FAM20C: variants seen among roughly 807,000 people sequenced by gnomAD.
FAM20C encodes the protein extracellular serine/threonine protein kinase FAM20C.
Under a neutral mutation model 51.5 loss-of-function variants are expected in FAM20C, and 40 were observed. The ratio of observed to expected loss-of-function variants is 0.78; its 90% confidence interval spans 0.60 to 1.01. The LOEUF is 1.01. Among genes scored for constraint, FAM20C ranks in the 50% least tolerant of loss-of-function variants. The pLI is 0.00. For missense variants in FAM20C, 861 were observed against 844.7 expected (o/e 1.02, Z -0.24); for synonymous variants, 406 against 380.6 (o/e 1.07, Z -0.78).
At chr7:245,101 G>A (rs147390777) in intron 3 of FAM20C, among the ~76,000 whole-genome samples, 3,457 of 152,352 alleles carry the variant, frequency 0.023, 116 homozygotes, top group African/African-American at 0.079. Context: ...GGCAGGGCCA[G>A]GATGCTCCCA....
Position 229,000 on chromosome 7 carries a change from C to T in FAM20C, c.864-17415C>T, listed in dbSNP as rs28399782. 26 of 366,974 alleles carry T rather than the reference C, an allele frequency of 7.1e-5. 2 individuals are homozygous for T. Among genetic ancestry groups the T allele is most frequent in the South Asian group, 4.3e-4 (22 of 50,782 alleles). 22.7% of individuals were successfully genotyped at this position (366,974 alleles called of 1,614,324 possible). On this transcript the variant is annotated intron_variant, in intron 3 of 9. Transcript: ENST00000313766. ...GAGTAGCGACACCAGGACCCGTAGT[C>T]GGGCCACACCCTGCCCCACCCACGC...
chr7:222,144 T>A (rs1787256466), intron 3 of FAM20C, among the ~76,000 whole-genome samples: 1 of 152,098 alleles, frequency 6.6e-6, no homozygotes, highest in Non-Finnish European at 1.5e-5. Context: ...AGTGCGCAAG[T>A]CAGGAGACAG....
chr7:258,554 A>C (rs1008634922), intron 8 of FAM20C, 92 bp from the exon 9 acceptor site: 1 of 1,301,594 alleles, frequency 7.7e-7, no homozygotes, highest in East Asian at 2.5e-5. Flanking sequence ...TGTCGGGTAC[A>C]GGCAGGTGGA....
At chr7:213,778 C>T (rs1048364698) in intron 3 of FAM20C, among the ~76,000 whole-genome samples, 10 of 152,072 alleles carry the variant, frequency 6.6e-5, no homozygotes, top group Admixed American at 2.0e-4. Flanking sequence ...TGTAACCCTG[C>T]GAGCTCGTTC....
chr7:196,655 T>C (rs904511073), intron 2 of FAM20C, among the ~76,000 whole-genome samples: 4 of 152,280 alleles, frequency 2.6e-5, no homozygotes, highest in Middle Eastern at 3.4e-3. Context: ...GAAGCAACCT[T>C]GGTGCTGAAA....
At chr7:217,354 T>TA (rs1787030807) in intron 3 of FAM20C, among the ~76,000 whole-genome samples, 1 of 6,078 alleles carries the variant, frequency 1.6e-4, no homozygotes, top group African/African-American at 4.6e-4. Flanking sequence ...CTCTAGGTTG[T>TA]GACATGGTGG....
At chr7:210,427 G>GC (rs2115069792) in intron 3 of FAM20C, among the ~76,000 whole-genome samples, 1 of 150,136 alleles carries the variant, frequency 6.7e-6, no homozygotes, top group African/African-American at 2.4e-5. Flanking sequence ...GTGGTGTGGA[G>GC]CCGGGGGTGG....
intron 5 of FAM20C, among the ~76,000 whole-genome samples, chr7:250,064 C>T (rs1056579142): frequency 6.6e-6 from 1 of 152,228 alleles, no homozygotes; most frequent in African/African-American, 2.4e-5. Flanking sequence ...GCCTCAGCCA[C>T]TCTCCTGGCC....
intron 3 of FAM20C, among the ~76,000 whole-genome samples, chr7:241,203 A>G (rs1001625964): frequency 3.3e-5 from 5 of 152,060 alleles, no homozygotes; most frequent in Admixed American, 2.0e-4. Context: ...TGGGGCTTTC[A>G]GCCCAGCTGT....
chr7:259,743 C>T lies in FAM20C; in HGVS notation c.1518C>T (p.Ser506=). The T allele has an allele frequency of 6.5e-7, 1 of 1,535,508 alleles. No individual in the cohort carries two copies. The highest frequency in any genetic ancestry group is 8.7e-7 in the Non-Finnish European group (1 of 1,145,954). ...PLQQCCRIRK[S]TYLRLQLLAK... ...CTCTCCTCCCCAGGATCCGGAAGTC[C>T]ACCTACCTGCGTCTGCAGCTCCTGG... The change falls in exon 10 of 10, where the codon TCC becomes TCT. Residue 506 remains serine (S), a synonymous_variant. Coordinates refer to ENST00000313766, the MANE Select transcript of FAM20C (RefSeq NM_020223.4).
chr7:194,367 C>T (rs770578419), intron 1 of FAM20C, among the ~76,000 whole-genome samples: 8 of 152,088 alleles, frequency 5.3e-5, no homozygotes, highest in Non-Finnish European at 8.8e-5. Context: ...CGAGAAGCCA[C>T]GGCAGGAACC....
chr7:252,961 G>T (rs895384942), intron 5 of FAM20C, among the ~76,000 whole-genome samples: 1 of 152,214 alleles, frequency 6.6e-6, no homozygotes, highest in Non-Finnish European at 1.5e-5. Context: ...CAAGGTGAGC[G>T]CCCCCAGGAC....
At chr7:250,321 C>G (rs1212494228) in intron 5 of FAM20C, among the ~76,000 whole-genome samples, 1 of 152,122 alleles carries the variant, frequency 6.6e-6, no homozygotes, top group Admixed American at 6.5e-5. Flanking sequence ...TGCTTTCTTC[C>G]TCTCAAAGCC....
At position 246,546 on chromosome 7, in the gene FAM20C, C is replaced by T. The variant is rs372573579; in HGVS notation, c.956+39C>T. On this transcript the variant is annotated intron_variant, in intron 4 of 9. Transcript: ENST00000313766. The stretch of plus-strand genomic sequence containing the variant: ...TCCTCCCTCCATCCGCGCTCCCGTG[C>T]GCTCAGACCCACCGGTGAGTGAGGC... 248 of 1,247,346 alleles carry T rather than the reference C, an allele frequency of 2.0e-4. No homozygotes were observed. In the African/African-American group the frequency reaches 7.2e-3, roughly 36 times the overall value. The allele number at this position is 1,247,346 out of a possible 1,614,324, so 77.3% of individuals were successfully genotyped here. A position where few individuals can be genotyped will look rare whatever the true frequency, so the allele number is the denominator to read the frequency against.
At position 242,531 on chromosome 7, in the gene FAM20C, G is replaced by T. The variant is rs1422842171; in HGVS notation, c.864-3884G>T. On this transcript the variant is annotated intron_variant, in intron 3 of 9. Coordinates refer to ENST00000313766, the MANE Select transcript of FAM20C (RefSeq NM_020223.4). ...GTTCGGTGCACTGGGGGCAGGGCCA[G>T]TGAGCTGGGGGAGGGGGTGGACTCG... 2.6e-5 allele frequency among the ~76,000 whole-genome samples: 4 copies of T among 152,060 alleles called. No individual in the cohort carries two copies. In the East Asian group the frequency reaches 7.7e-4, roughly 29 times the overall value.
chr7:252,092 G>A (rs551206252), intron 5 of FAM20C, among the ~76,000 whole-genome samples: 3 of 152,248 alleles, frequency 2.0e-5, no homozygotes, highest in Non-Finnish European at 4.4e-5. Context: ...GTTCAGATTC[G>A]TTTGCTCCAC....
chr7:210,510 G>C (rs1786660333), intron 3 of FAM20C, among the ~76,000 whole-genome samples: 1 of 152,154 alleles, frequency 6.6e-6, no homozygotes, highest in Non-Finnish European at 1.5e-5. Flanking sequence ...AATGGGAGTG[G>C]AATAGTCGCT....
At position 251,261 on chromosome 7, in the gene FAM20C, G is replaced by GCGGC. The variant is rs1271490148; in HGVS notation, c.1072+2831_1072+2832insCGGC. Among the ~76,000 whole-genome samples, 75 of 114,298 alleles carry GCGGC rather than the reference G, an allele frequency of 6.6e-4. 2 individuals carry two copies. The highest frequency in any genetic ancestry group is 2.8e-3 in the African/African-American group (64 of 23,230). 75.0% of individuals were successfully genotyped at this position (114,298 alleles called of 152,430 possible). On this transcript the variant is annotated intron_variant, in intron 5 of 9. Transcript: ENST00000313766. ...CGCCTGCACTGAGTGGCCGGGCACG[G>GCGGC]TGGCTCACACGCCTGCAATCCCAGT...
chr7:218,059 T>C (rs1386327535), intron 3 of FAM20C, among the ~76,000 whole-genome samples: 2 of 152,024 alleles, frequency 1.3e-5, no homozygotes, highest in African/African-American at 4.8e-5. Context: ...GGGGTAGGGG[T>C]TGGACGCTCA....
Sources: gnomAD v4.1 joint callset for allele counts (sites outside exome capture counted in the v4.1 genomes callset) on GRCh38, gnomAD v4.1.1 for gene constraint, MANE v1.5 for transcripts, NCBI Gene and HGNC (gene_info 2026-07-23, HGNC 2026-07-21) for gene names.